Variants in TENM2 observed in about 807,000 individuals in gnomAD.
The protein encoded by TENM2 is teneurin-2.
In TENM2, 52 loss-of-function variants were observed where a neutral mutation model predicts 245.2. The observed-to-expected ratio is 0.21, with a 90% CI of 0.17 to 0.27. TENM2 has a LOEUF of 0.27. Ranked by LOEUF, TENM2 falls within the 10% of genes least tolerant of loss-of-function variation. TENM2 has a pLI of 1.00. For synonymous variants in TENM2, 1,363 were observed against 1,438.9 expected, an observed-to-expected ratio of 0.95 and a Z score of 1.19; for missense variants, 3,046 against 3,666.8, an observed-to-expected ratio of 0.83 and a Z score of 4.37.
the TENM2 span, among the ~76,000 whole-genome samples, chr5:167,084,353 A>ATGTATATATATATATATATATATATG: frequency 9.0e-6 from 1 of 110,938 alleles, no homozygotes; most frequent in African/African-American, 3.1e-5. Flanking sequence ...ATATATATAT[A>ATGTATATATATATATATATATATATG]TATATATATA....
the TENM2 span, among the ~76,000 whole-genome samples, chr5:166,998,918 G>C: frequency 6.6e-6 from 1 of 151,842 alleles, no homozygotes; most frequent in Non-Finnish European, 1.5e-5. Context: ...GATGGAGGGG[G>C]TGAGGTTGTG....
At chr5:168,143,531 G>A (rs4044170) in intron 12 of TENM2, among the ~76,000 whole-genome samples, 8 of 152,248 alleles carry the variant, frequency 5.3e-5, no homozygotes, top group African/African-American at 7.2e-5. Flanking sequence ...AACCTAAAAC[G>A]TTAGATACTG....
chr5:168,261,873 A>T (rs1171649617), intron 28 of TENM2, among the ~76,000 whole-genome samples, 176 bp from the exon 31 acceptor site: 1 of 152,206 alleles, frequency 6.6e-6, no homozygotes, highest in South Asian at 2.1e-4. Context: ...AGTTCAGAGC[A>T]CTGGTAATCA....
chr5:167,659,968 C>A (rs992820920), intron 2 of TENM2: 2 of 152,184 alleles, frequency 1.3e-5, no homozygotes, highest in South Asian at 4.1e-4. Flanking sequence ...TGTAAATACA[C>A]CTGAAATAAG....
chr5:167,915,383 G>T (rs1035670750), intron 3 of TENM2, among the ~76,000 whole-genome samples: 2 of 152,106 alleles, frequency 1.3e-5, no homozygotes, highest in Non-Finnish European at 2.9e-5. Context: ...CATCCCAACT[G>T]AGCTTTCATG....
At chr5:167,113,666 A>G in the TENM2 span, among the ~76,000 whole-genome samples, 2 of 152,008 alleles carry the variant, frequency 1.3e-5, no homozygotes, top group Non-Finnish European at 2.9e-5. Context: ...AAAATGTTAA[A>G]TACATGGGAA....
intron 2 of TENM2, among the ~76,000 whole-genome samples, chr5:167,390,473 T>A (rs1313733203): frequency 6.6e-6 from 1 of 152,184 alleles, no homozygotes; most frequent in Non-Finnish European, 1.5e-5. Context: ...ACTTCCTCCA[T>A]CTGCGGTGCC....
intron 12 of TENM2, among the ~76,000 whole-genome samples, chr5:168,136,697 T>G (rs1755082258): frequency 6.6e-6 from 1 of 152,192 alleles, no homozygotes; most frequent in Non-Finnish European, 1.5e-5. Flanking sequence ...GAGTCCTTTT[T>G]GTATCCTCAC....
chr5:168,028,080 G>A (rs1352087991), intron 5 of TENM2, among the ~76,000 whole-genome samples: 1 of 152,208 alleles, frequency 6.6e-6, no homozygotes, highest in Non-Finnish European at 1.5e-5. Flanking sequence ...CCATTCTAGA[G>A]AGGAGCAGAC....
chr5:167,374,874 G>T (rs1040153264), intron 1 of TENM2, among the ~76,000 whole-genome samples: 11 of 152,128 alleles, frequency 7.2e-5, no homozygotes, highest in African/African-American at 2.7e-4. Context: ...TAAGCACTTG[G>T]TGTATATTAG....
chr5:167,482,570 GC>G (rs1767823307), intron 2 of TENM2, among the ~76,000 whole-genome samples: 2 of 152,104 alleles, frequency 1.3e-5, no homozygotes, highest in Admixed American at 1.3e-4. Flanking sequence ...TGGATAACAC[GC>G]CCTAATTTTT....
chr5:167,550,733 TGTGTGTGTGTGTGTGTGATGGA>T (rs1369487615), intron 2 of TENM2, among the ~76,000 whole-genome samples: 2 of 148,398 alleles, frequency 1.3e-5, no homozygotes, highest in African/African-American at 5.1e-5. Flanking sequence ...TGTGTGTGTG[TGTGTGTGTGTGTGTGTGATGGA>T]GTGTTGCTCT....
At chr5:168,258,547 T>C (rs1369159843) in intron 27 of TENM2, among the ~76,000 whole-genome samples, 4 of 151,742 alleles carry the variant, frequency 2.6e-5, no homozygotes. Context: ...TATCAACTGG[T>C]AAATGGATAA....
chr5:167,556,421 C>CATATATAT (rs4044320), intron 2 of TENM2, among the ~76,000 whole-genome samples: 1,996 of 146,610 alleles, frequency 0.014, 15 homozygotes, highest in Middle Eastern at 0.026. Context: ...TGTATACTTA[C>CATATATAT]ATATATATAT....
chr5:167,993,903 G>A (rs1347459718), intron 5 of TENM2, among the ~76,000 whole-genome samples: 1 of 152,254 alleles, frequency 6.6e-6, no homozygotes, highest in Admixed American at 6.5e-5. Context: ...GCATGCCAAA[G>A]GTGTTGGTTT....
intron 5 of TENM2, among the ~76,000 whole-genome samples, chr5:168,045,143 A>T (rs1256222070): frequency 1.3e-5 from 2 of 151,638 alleles, no homozygotes. Context: ...CCCCTTCTCC[A>T]CCTCCATCTC....
chr5:167,626,243 C>T (rs1004899720), intron 2 of TENM2, among the ~76,000 whole-genome samples: 1 of 151,866 alleles, frequency 6.6e-6, no homozygotes, highest in Admixed American at 6.6e-5. Flanking sequence ...TTTGTCTTTA[C>T]CATTCTCAAA....
chr5:167,380,308 A>G (rs1416771494), intron 2 of TENM2, among the ~76,000 whole-genome samples: 1 of 152,194 alleles, frequency 6.6e-6, no homozygotes, highest in Non-Finnish European at 1.5e-5. Context: ...AAAATGTAAG[A>G]ATATCACATT....
intron 1 of TENM2, among the ~76,000 whole-genome samples, chr5:167,350,413 ATGTGTGTG>A (rs35747170): frequency 5.0e-4 from 71 of 141,922 alleles, no homozygotes; most frequent in South Asian, 1.1e-3. Context: ...ATACATATAT[ATGTGTGTG>A]TGTGTGTGTG....
Sources: allele counts gnomAD v4.1 joint callset (sites outside exome capture counted in the v4.1 genomes callset), GRCh38; gene constraint gnomAD v4.1.1; transcripts MANE v1.5; gene names NCBI Gene and HGNC (gene_info 2026-07-23, HGNC 2026-07-21).